AVEN: variants seen among roughly 807,000 people sequenced by gnomAD.
AVEN encodes the protein cell death regulator Aven.
In AVEN, 41 loss-of-function variants were observed where a neutral mutation model predicts 38.1. That is an observed-to-expected ratio of 1.08 (90% CI 0.84 to 1.40). AVEN has a LOEUF of 1.40. Ranked by LOEUF, AVEN falls within the 40% of genes most tolerant of loss-of-function variation. AVEN has a pLI of 0.00. For missense variants in AVEN, 605 were observed against 438.8 expected, an observed-to-expected ratio of 1.38 and a Z score of -3.38; for synonymous variants, 206 against 171.8, an observed-to-expected ratio of 1.20 and a Z score of -1.56.
chr15:33,871,568 CA>C (rs999560521), intron 3 of AVEN, among the ~76,000 whole-genome samples: 63 of 141,884 alleles, frequency 4.4e-4, no homozygotes, highest in Middle Eastern at 3.7e-3. Context: ...AACTCCATCT[CA>C]AAAAAAAAAA....
intron 1 of AVEN, among the ~76,000 whole-genome samples, chr15:34,017,497 T>TGG (rs1555516617): frequency 4.5e-5 from 6 of 133,404 alleles, no homozygotes; most frequent in East Asian, 2.2e-4. Context: ...TTTTTTTTTT[T>TGG]TTTGAGACAG....
At chr15:33,864,261 G>C (rs1233767458), downstream of AVEN, 2 of 1,217,160 alleles carry the variant, frequency 1.6e-6, no homozygotes, top group East Asian at 2.4e-5. Flanking sequence ...TAGGGCATAG[G>C]TTATCTGAAA....
intron 3 of AVEN, 49 bp downstream of exon 3, chr15:33,875,876 T>C (rs779420752): frequency 3.3e-6 from 5 of 1,524,334 alleles, no homozygotes; most frequent in Non-Finnish European, 4.5e-6. Flanking sequence ...GTGTTAGCCT[T>C]CAGCCTTGAA....
chr15:34,014,367 T>TAATAA (rs1555516101), intron 1 of AVEN, among the ~76,000 whole-genome samples: 4 of 13,576 alleles, frequency 2.9e-4, no homozygotes, highest in African/African-American at 6.8e-4. Context: ...TCCATCTCAT[T>TAATAA]AAAAAAAAAA....
At chr15:33,889,067 C>G (rs180783408) in intron 2 of AVEN, among the ~76,000 whole-genome samples, 1 of 152,224 alleles carries the variant, frequency 6.6e-6, no homozygotes, top group East Asian at 1.9e-4. Context: ...GTACGTCTTA[C>G]AGATATTTTA....
rs115892491 is a variant in AVEN at position 33,867,548 on chromosome 15, G to A, written c.920C>T (p.Thr307Met). ...TTCCTTGGATTTCAGGTCCTGAGAC[G>A]TCTGATCTGGTAAGATGTTATCTCC... ...KEGDNILPDQ[T>M]SQDLKSKEDG... The change falls in exon 5 of 6, where the codon ACG becomes ATG. Residue 307 changes from threonine (T) to methionine (M), a missense_variant. Thr to Met is a moderately conservative substitution (Grantham distance 81). Transcript: ENST00000306730. 1.1e-4 allele frequency: 173 copies of A among 1,611,870 alleles called. No homozygotes were observed. Among genetic ancestry groups the A allele is most frequent in the Middle Eastern group, 1.6e-4 (1 of 6,072 alleles).
chr15:33,902,069 T>G (rs685516), intron 2 of AVEN, among the ~76,000 whole-genome samples: 134,329 of 152,198 alleles, frequency 0.88, 60,781 homozygotes, highest in Non-Finnish European at 0.98. Context: ...TTTTGTAGCT[T>G]GAACTTTAGG....
chr15:33,989,008 C>G (rs183236612), intron 2 of AVEN, among the ~76,000 whole-genome samples: 2 of 152,090 alleles, frequency 1.3e-5, no homozygotes, highest in East Asian at 3.9e-4. Context: ...ATTATTAAAC[C>G]ATTTCTCAGG....
intron 2 of AVEN, among the ~76,000 whole-genome samples, chr15:33,893,666 A>C (rs576517333): frequency 6.6e-6 from 1 of 152,336 alleles, no homozygotes; most frequent in East Asian, 1.9e-4. Context: ...TTCCTGAATA[A>C]AAACTGGCAT....
At chr15:33,872,504 T>C (rs901539987) in intron 3 of AVEN, among the ~76,000 whole-genome samples, 1 of 152,098 alleles carries the variant, frequency 6.6e-6, no homozygotes, top group Non-Finnish European at 1.5e-5. Flanking sequence ...CTTTTTAAGA[T>C]ACAGGTTCAC....
intron 5 of AVEN, among the ~76,000 whole-genome samples, chr15:34,056,815 GAGGCCAGGAGTTCA>G (rs1900170882): frequency 6.6e-6 from 1 of 152,056 alleles, no homozygotes; most frequent in Admixed American, 6.6e-5. Flanking sequence ...CCAGGAGTTC[GAGGCCAGGAGTTCA>G]AGGCCAGCCT....
intron 2 of AVEN, among the ~76,000 whole-genome samples, chr15:33,890,705 TGAAAA>T (rs1036690219): frequency 2.6e-5 from 4 of 152,078 alleles, no homozygotes; most frequent in Non-Finnish European, 5.9e-5. Context: ...GGGAGAAAGA[TGAAAA>T]GAAACTAAGG....
At chr15:33,909,339 C>T (rs1052690533) in intron 2 of AVEN, among the ~76,000 whole-genome samples, 1 of 151,536 alleles carries the variant, frequency 6.6e-6, no homozygotes, top group East Asian at 1.9e-4. Context: ...AACAAACAAA[C>T]AAAAAAACCT....
At chr15:33,923,259 T>G (rs1051065158) in intron 2 of AVEN, among the ~76,000 whole-genome samples, 2 of 152,156 alleles carry the variant, frequency 1.3e-5, no homozygotes, top group African/African-American at 4.8e-5. Flanking sequence ...TTTTACAAAT[T>G]ACAAAAAGGA....
chr15:34,057,187 G>A (rs1215767027), intron 5 of AVEN, among the ~76,000 whole-genome samples: 3 of 150,130 alleles, frequency 2.0e-5, no homozygotes, highest in Non-Finnish European at 4.4e-5. Flanking sequence ...AGGCTGGAGT[G>A]CAGTCGCATG....
chr15:34,026,661 C>T (rs370192351), intron 1 of AVEN, among the ~76,000 whole-genome samples: 1 of 151,522 alleles, frequency 6.6e-6, no homozygotes, highest in Non-Finnish European at 1.5e-5. Flanking sequence ...TCACTGAGGA[C>T]AAGAGGAAAA....
chr15:33,904,848 G>T (rs1892635383), intron 2 of AVEN, among the ~76,000 whole-genome samples: 2 of 151,830 alleles, frequency 1.3e-5, no homozygotes, highest in South Asian at 4.2e-4. Flanking sequence ...AACTACTTTT[G>T]GTTGGGCGTG....
At chr15:34,053,319 A>AAT (rs71119922) in intron 5 of AVEN, among the ~76,000 whole-genome samples, 3,712 of 41,806 alleles carry the variant, frequency 0.089, 421 homozygotes, top group Admixed American at 0.15. Flanking sequence ...AAAAAAAAAA[A>AAT]ATATATATAT....
intron 2 of AVEN, 41 bp from the exon 3 acceptor site, chr15:33,876,036 C>T (rs6495303): frequency 2.0e-5 from 31 of 1,559,924 alleles, no homozygotes; most frequent in African/African-American, 1.2e-4. Flanking sequence ...CAAAAGCCAA[C>T]GGAAACTCTC....
Sources: allele counts gnomAD v4.1 joint callset (sites outside exome capture counted in the v4.1 genomes callset), GRCh38; gene constraint gnomAD v4.1.1; transcripts MANE v1.5; gene names NCBI Gene and HGNC (gene_info 2026-07-23, HGNC 2026-07-21).